UBR4: variants seen among roughly 807,000 people sequenced by gnomAD.
The protein encoded by UBR4 is E3 ubiquitin-protein ligase UBR4.
Under a neutral mutation model 575.6 loss-of-function variants are expected in UBR4, and 124 were observed. The ratio of observed to expected loss-of-function variants is 0.22; its 90% CI spans 0.19 to 0.25. The LOEUF (loss-of-function observed/expected upper bound fraction) is 0.25. Ranked by LOEUF, UBR4 falls within the 10% of genes least tolerant of loss-of-function variation. The probability of loss-of-function intolerance (pLI) is 1.00; values close to 1 mark genes in which losing one functional copy is unlikely to be tolerated. For missense variants in UBR4, 4,818 were observed against 6,478.8 expected (o/e 0.74, Z 8.80); for synonymous variants, 2,455 against 2,473.7 (o/e 0.99, Z 0.22).
Position 19,086,654 on chromosome 1 carries a change from C to G in UBR4, c.14687+25G>C, listed in dbSNP as rs746234916. On this transcript the variant is annotated intron_variant, in intron 100 of 105. Transcript: ENST00000375254. The stretch of plus-strand genomic sequence containing the variant: ...CCCACAGGCAGGCCTACTGAAGGAG[C>G]CATTCCGCAAGAGCCAGGGCCTACC... 63 of 1,610,928 alleles carry G rather than the reference C, an allele frequency of 3.9e-5. No homozygotes were observed. The East Asian group carries it at 1.4e-3, about 35-fold the overall frequency.
chr1:19,145,886 A>C lies in UBR4; in HGVS notation c.7852T>G (p.Cys2618Gly). 2 of 1,614,228 alleles carry C rather than the reference A, an allele frequency of 1.2e-6. No individual in the cohort carries two copies. Among genetic ancestry groups the C allele is most frequent in the Non-Finnish European group, 1.7e-6 (2 of 1,180,034 alleles). The change falls in exon 53 of 106, where the codon TGC becomes GGC. Residue 2618 changes from cysteine to glycine, a missense_variant. Around this residue, in one of 29 missense-constraint regions of UBR4, gnomAD observed 340 missense variants for 375.4 expected, o/e 0.91. Transcript: ENST00000375254. Reference protein sequence around the residue: ...KEPQKQLEGDCCSFITQLVNH... With the variant: ...KEPQKQLEGDGCSFITQLVNH... ...ACAAGCTGGGTGATGAAACTACAGCAATCTCCTTCCAACTGCTTCTGCGGT... is the reference window on the plus strand; with the variant it reads ...ACAAGCTGGGTGATGAAACTACAGCCATCTCCTTCCAACTGCTTCTGCGGT...
At chr1:19,119,481 T>C in intron 70 of UBR4, 76 bp downstream of exon 70, 1 of 1,558,374 alleles carries the variant, frequency 6.4e-7, no homozygotes, top group Non-Finnish European at 8.7e-7. Context: ...TCTGGGTTGT[T>C]CATAATATTC....
At chr1:19,121,755 G>A (rs899378781) in intron 67 of UBR4, among the ~76,000 whole-genome samples, 179 bp downstream of exon 67, 1 of 152,022 alleles carries the variant, frequency 6.6e-6, no homozygotes, top group African/African-American at 2.4e-5. Flanking sequence ...AAACTTTGAC[G>A]ACCAGCCCTC....
At chr1:19,107,734 G>A (rs575661457) in intron 81 of UBR4, among the ~76,000 whole-genome samples, 120 of 151,776 alleles carry the variant, frequency 7.9e-4, no homozygotes, top group African/African-American at 2.8e-3. Flanking sequence ...GCAGTGAGCC[G>A]AGATCATACC....
chr1:19,195,849 T>C (rs186917437), intron 8 of UBR4, among the ~76,000 whole-genome samples: 1 of 152,244 alleles, frequency 6.6e-6, no homozygotes, highest in East Asian at 1.9e-4. Flanking sequence ...GAATCTTTAA[T>C]GGTCTCTACT....
At chr1:19,147,101 C>T in intron 51 of UBR4, 101 bp from the exon 52 acceptor site, 1 of 1,342,436 alleles carries the variant, frequency 7.4e-7, no homozygotes, top group Non-Finnish European at 1.0e-6. Flanking sequence ...TTATTACCTC[C>T]TCTCAAGAGA....
At position 19,199,765 on chromosome 1, in the gene UBR4, A is replaced by C; in HGVS notation, c.275-11T>G. 6.2e-7 allele frequency: 1 copy of C among 1,611,848 alleles called. No individual in the cohort carries two copies. Among genetic ancestry groups the C allele is most frequent in the Non-Finnish European group, 8.5e-7 (1 of 1,177,984 alleles). On this transcript the variant is annotated splice_polypyrimidine_tract_variant and intron_variant, in intron 2 of 105. Transcript: ENST00000375254. ...GTTGGTTCCGGGGAACTGAGAAAGT[A>C]ATAAACATTACTCAATTTCAGACTG...
chr1:19,151,606 A>G lies in UBR4; in HGVS notation c.7213+37T>C. 3 of 1,610,968 alleles carry G rather than the reference A, an allele frequency of 1.9e-6. No individual in the cohort carries two copies. In the African/African-American group the frequency reaches 4.0e-5, roughly 21 times the overall value. ...AGTGGCTCCCAATTTCGCAGTCACAATGAGGACAGAGTCTGCACCAGGGGT... is the reference window on the plus strand; with the variant it reads ...AGTGGCTCCCAATTTCGCAGTCACAGTGAGGACAGAGTCTGCACCAGGGGT... On this transcript the variant is annotated intron_variant, in intron 48 of 105. Transcript: ENST00000375254.
intron 43 of UBR4, 133 bp downstream of exon 43, chr1:19,155,308 A>G: frequency 9.1e-7 from 1 of 1,103,672 alleles, no homozygotes; most frequent in Non-Finnish European, 1.3e-6. Context: ...ATGGAAAAAC[A>G]AAGAAAAAGA....
At chr1:19,197,912 G>T (rs2092555833) in intron 6 of UBR4, 35 bp downstream of exon 6, 1 of 1,612,964 alleles carries the variant, frequency 6.2e-7, no homozygotes, top group African/African-American at 1.3e-5. Flanking sequence ...TGACAGCCCA[G>T]AAATCAGCTT....
chr1:19,174,478 CTTACTT>C (rs1420664355), intron 21 of UBR4, 31 bp from the exon 22 acceptor site: 19 of 1,599,972 alleles, frequency 1.2e-5, no homozygotes, highest in Non-Finnish European at 1.4e-5. Flanking sequence ...GAGTCATTTC[CTTACTT>C]TTAAAGTATT....
At position 19,179,043 on chromosome 1, in the gene UBR4, C is replaced by A; in HGVS notation, c.2354+8G>T. On this transcript the variant is annotated splice_region_variant and intron_variant, in intron 18 of 105. Coordinates refer to ENST00000375254, the MANE Select transcript of UBR4 (RefSeq NM_020765.3). Reference sequence around the variant, plus strand: ...TTCTCTATAGGCCTTCTCTTACAGACATCTTACCTGTCCCAAACTTTAAGG... The same window carrying A: ...TTCTCTATAGGCCTTCTCTTACAGAAATCTTACCTGTCCCAAACTTTAAGG... The A allele has an allele frequency of 6.2e-7, 1 of 1,612,402 alleles. No individual in the cohort carries two copies. Among genetic ancestry groups the A allele is most frequent in the Non-Finnish European group, 8.5e-7 (1 of 1,179,552 alleles).
intron 1 of UBR4, among the ~76,000 whole-genome samples, chr1:19,202,036 T>C (rs1169102470): frequency 1.3e-5 from 2 of 151,896 alleles, no homozygotes; most frequent in African/African-American, 4.8e-5. Flanking sequence ...CCACTAAAAA[T>C]ACAAAAATCA....
Position 19,142,796 on chromosome 1 carries a change from A to G in UBR4, c.8180-1019T>C, listed in dbSNP as rs774843660. On this transcript the variant is annotated intron_variant, in intron 55 of 105. Coordinates refer to ENST00000375254, the MANE Select transcript of UBR4 (RefSeq NM_020765.3). ...ATTAAATAATTAGTAAATCAATTTT[A>G]CTTTTTACTCTTTATAATATTGCTA... 2.1e-3 allele frequency among the ~76,000 whole-genome samples: 323 copies of G among 152,380 alleles called. 5 individuals carry two copies. The highest frequency in any genetic ancestry group is 3.3e-3 in the Admixed American group (51 of 15,304).
chr1:19,139,095 C>T lies in UBR4; in HGVS notation c.8719G>A (p.Gly2907Ser). ...SGGSAVDSVA[G>S]EHSVSGRSSA... is the part of the protein sequence containing the mutation. ...CATGGCACATTACCACTGTGCTCGC[C>T]AGCCACTGAGTCCACTGCACTGCCC... is the stretch of plus-strand genomic sequence containing the variant. The change falls in exon 59 of 106, where the codon GGC becomes AGC. Residue 2907 changes from glycine (G) to serine (S), a missense_variant. This residue lies in a region of UBR4 where 57 missense variants were observed against 101.5 expected (regional missense o/e 0.56). Coordinates refer to ENST00000375254, the MANE Select transcript of UBR4 (RefSeq NM_020765.3). The surrounding 1 kb of genome is among the most constrained non-coding windows in gnomAD (Gnocchi z 4.2). 6.2e-7 allele frequency: 1 copy of T among 1,612,732 alleles called. No homozygotes were observed.
intron 29 of UBR4, 122 bp downstream of exon 29, chr1:19,166,900 T>TAA (rs11379504): frequency 0.016 from 15,284 of 965,274 alleles, no homozygotes; most frequent in East Asian, 0.046. Context: ...TGTCTCAGAA[T>TAA]AAAAAAAAAA....
chr1:19,185,711 C>A (rs1374907558), intron 14 of UBR4, among the ~76,000 whole-genome samples: 1 of 151,742 alleles, frequency 6.6e-6, no homozygotes, highest in Non-Finnish European at 1.5e-5. Flanking sequence ...GTAGCTGGGA[C>A]TACAGGCTAC....
chr1:19,193,338 C>CT (rs1264162761), intron 9 of UBR4, 95 bp downstream of exon 9: 18 of 1,526,888 alleles, frequency 1.2e-5, no homozygotes, highest in African/African-American at 8.2e-5. Context: ...GGAGAATACT[C>CT]TAAGTTCTTT....
At chr1:19,199,115 A>G (rs1252440754) in intron 3 of UBR4, among the ~76,000 whole-genome samples, 187 bp from the exon 4 acceptor site, 3 of 152,198 alleles carry the variant, frequency 2.0e-5, no homozygotes, top group South Asian at 2.1e-4. Flanking sequence ...TGTTCTCACA[A>G]TATTTTTTTA....
Sources: gnomAD v4.1 joint callset for allele counts (sites outside exome capture counted in the v4.1 genomes callset) on GRCh38, gnomAD v4.1.1 for gene constraint, gnomAD v4.1.1 regional missense constraint, Gnocchi (gnomAD v3.1) non-coding constraint, MANE v1.5 for transcripts, NCBI Gene and HGNC (gene_info 2026-07-23, HGNC 2026-07-21) for gene names.